The following HSF2 variants were observed in gnomAD, a reference collection of about 807,000 sequenced individuals.
HSF2 encodes heat shock factor protein 2.
In HSF2, 21 loss-of-function variants were observed where a neutral mutation model predicts 65.0. The ratio of observed to expected loss-of-function variants is 0.32; its 90% CI spans 0.23 to 0.47. HSF2 has a LOEUF of 0.47. HSF2 is among the 20% of genes least tolerant of loss of function. The pLI, the probability that HSF2 is intolerant of heterozygous loss-of-function variation, is 1.00. For synonymous variants in HSF2, 225 were observed against 219.1 expected, an observed-to-expected ratio of 1.03 and a Z score of -0.24; for missense variants, 499 against 628.1, an observed-to-expected ratio of 0.79 and a Z score of 2.20.
upstream of HSF2, chr6:122,399,646 G>A (rs1407286707): frequency 9.6e-6 from 10 of 1,041,586 alleles, no homozygotes; most frequent in East Asian, 5.1e-5. Context: ...CGCCTGCGTT[G>A]TGGGCGTTCT....
At chr6:122,399,644 T>G, upstream of HSF2, 1 of 1,013,762 alleles carries the variant, frequency 9.9e-7, no homozygotes, top group Non-Finnish European at 1.5e-6. Context: ...TGCGCCTGCG[T>G]TGTGGGCGTT....
At position 122,399,668 on chromosome 6, in the gene HSF2, T is replaced by TGCCGTAGGTGCC; in HGVS notation, c.-63_-62insGTGCCGCCGTAG. 3.2e-6 allele frequency: 4 copies of TGCCGTAGGTGCC among 1,238,818 alleles called. No individual in the cohort carries two copies. The highest frequency in any genetic ancestry group is 4.7e-6 in the Non-Finnish European group (4 of 854,962). The allele number at this position is 1,238,818 out of a possible 1,614,324, so 76.7% of individuals were successfully genotyped here. ...GTTGTGGGCGTTCTCGGGGAGCTGC[T>TGCCGTAGGTGCC]GCCGTAGCTGCCGCCGCCGCTACCA... is the stretch of plus-strand genomic sequence containing the variant. On this transcript the variant is annotated 5_prime_UTR_variant, in exon 1 of 13. Coordinates refer to ENST00000368455, the MANE Select transcript of HSF2 (RefSeq NM_004506.4).
At chr6:122,412,993 A>G (rs1018651670) in intron 3 of HSF2, among the ~76,000 whole-genome samples, 5 of 151,912 alleles carry the variant, frequency 3.3e-5, no homozygotes, top group African/African-American at 9.7e-5. Flanking sequence ...GACTTTTTCT[A>G]TAGTTTGTAA....
In HSF2 at chr6:122,428,418, A is replaced by G. The variant is rs567018703; in HGVS notation, c.1230+462A>G. On this transcript the variant is annotated intron_variant, in intron 11 of 12. Coordinates refer to ENST00000368455, the MANE Select transcript of HSF2 (RefSeq NM_004506.4). ...AAAAGGGAAGTTGAAACGTATGAAT[A>G]TTTGACTTTTTTTAAGTAATAAGGA... Among the ~76,000 whole-genome samples the G allele has an allele frequency of 2.0e-5, 3 of 152,048 alleles. No homozygotes were observed. The East Asian group carries it at 5.8e-4, about 29-fold the overall frequency.
rs973653851 is a variant in HSF2 at position 122,412,650 on chromosome 6, A to G, written c.216A>G (p.Lys72=). 13 of 1,612,240 alleles carry G rather than the reference A, an allele frequency of 8.1e-6. No individual in the cohort carries two copies. Among genetic ancestry groups the G allele is most frequent in the Non-Finnish European group, 1.1e-5 (13 of 1,178,600 alleles). The change falls in exon 3 of 13, where the codon AAA becomes AAG. Residue 72 remains lysine (K), a synonymous_variant. Transcript: ENST00000368455. ...VRQLNMYGFR[K]VVHIDSGIVK... ...AATATTTTTCAGATGGTTTCCGTAA[A>G]GTAGTACATATCGACTCTGGAATTG... is the stretch of plus-strand genomic sequence containing the variant.
chr6:122,414,356 C>T (rs935019068), intron 4 of HSF2, among the ~76,000 whole-genome samples: 3 of 152,172 alleles, frequency 2.0e-5, no homozygotes, highest in Admixed American at 6.5e-5. Flanking sequence ...TTTACATATT[C>T]TCTCTTCCAT....
At position 122,432,006 on chromosome 6, in the gene HSF2, G is replaced by A. The variant is rs1562207666; in HGVS notation, c.1397G>A (p.Ser466Asn). 2 of 1,613,994 alleles carry A rather than the reference G, an allele frequency of 1.2e-6. No individual in the cohort carries two copies. The highest frequency in any genetic ancestry group is 1.7e-6 in the Non-Finnish European group (2 of 1,179,920). Residue 466 changes from serine (S) to asparagine (N), a missense_variant, in exon 13 of 13, where the codon AGT becomes AAT. By Grantham distance (46) the Ser-to-Asn change is conservative. Around this residue, in one of 2 missense-constraint regions of HSF2, gnomAD observed 349 missense variants for 393.5 expected, o/e 0.89. Transcript: ENST00000368455. ...GNPASSVEQA[S>N]TTASSEVLSS... The stretch of plus-strand genomic sequence containing the variant: ...CCTGCTTCTTCTGTTGAACAGGCGA[G>A]TACAACAGCATCATCAGAAGTTTTG...
intron 1 of HSF2, among the ~76,000 whole-genome samples, chr6:122,411,207 T>C (rs1773985397): frequency 6.6e-6 from 1 of 151,902 alleles, no homozygotes; most frequent in Non-Finnish European, 1.5e-5. Flanking sequence ...TAATGATTTG[T>C]GTTACTGACC....
At chr6:122,400,749 TTAGAATACACTC>T (rs1773709930) in intron 1 of HSF2, among the ~76,000 whole-genome samples, 1 of 152,224 alleles carries the variant, frequency 6.6e-6, no homozygotes, top group Admixed American at 6.5e-5. Flanking sequence ...TGCATGTGCA[TTAGAATACACTC>T]CTAGGCTGTT....
At chr6:122,421,093 T>C (rs1774225497) in intron 7 of HSF2, among the ~76,000 whole-genome samples, 1 of 152,076 alleles carries the variant, frequency 6.6e-6, no homozygotes, top group South Asian at 2.1e-4. Context: ...ATTCTTACAT[T>C]GGTTATTCTA....
intron 7 of HSF2, among the ~76,000 whole-genome samples, chr6:122,421,883 G>A (rs901918366): frequency 6.6e-6 from 1 of 151,944 alleles, no homozygotes; most frequent in African/African-American, 2.4e-5. Flanking sequence ...TCTTTCCATA[G>A]AAACATTTTT....
At chr6:122,425,640 C>T (rs1774323299) in intron 10 of HSF2, among the ~76,000 whole-genome samples, 1 of 151,940 alleles carries the variant, frequency 6.6e-6, no homozygotes, top group South Asian at 2.1e-4. Context: ...TGTTCTCTCC[C>T]TGTCTCCCTA....
chr6:122,420,480 C>T (rs1052262045), intron 7 of HSF2, among the ~76,000 whole-genome samples: 5 of 151,966 alleles, frequency 3.3e-5, no homozygotes, highest in East Asian at 1.9e-4. Flanking sequence ...TACTCTTCCT[C>T]GCTTACCCTA....
chr6:122,420,116 A>G lies in HSF2; in HGVS notation c.594-19A>G. The G allele has an allele frequency of 1.9e-6, 3 of 1,597,234 alleles. No homozygotes were observed. The highest frequency in any genetic ancestry group is 2.6e-6 in the Non-Finnish European group (3 of 1,174,208). ...TTGTATGTTTGCTTCACTGAACTGC[A>G]TATTCTTCTGGTTTTCAGGCCTCTA... On this transcript the variant is annotated intron_variant, in intron 6 of 12. Coordinates refer to ENST00000368455, the MANE Select transcript of HSF2 (RefSeq NM_004506.4).
intron 12 of HSF2, 74 bp from the exon 13 acceptor site, chr6:122,431,851 G>T (rs945955059): frequency 7.4e-6 from 10 of 1,347,636 alleles, no homozygotes; most frequent in African/African-American, 1.5e-5. Context: ...GTACATCTCT[G>T]TTTTCATTTT....
intron 5 of HSF2, among the ~76,000 whole-genome samples, chr6:122,417,517 G>A (rs1435187159): frequency 6.6e-6 from 1 of 152,068 alleles, no homozygotes; most frequent in Non-Finnish European, 1.5e-5. Flanking sequence ...TTGGTGAGTG[G>A]TGTTTATATA....
intron 5 of HSF2, among the ~76,000 whole-genome samples, chr6:122,416,514 G>T (rs9375134): frequency 0.11 from 17,130 of 152,216 alleles, 1,222 homozygotes; most frequent in East Asian, 0.21. Flanking sequence ...CATACTCGCA[G>T]ATAATGTCTC....
At chr6:122,408,498 G>T (rs754249852) in intron 1 of HSF2, among the ~76,000 whole-genome samples, 5 of 151,910 alleles carry the variant, frequency 3.3e-5, no homozygotes, top group Non-Finnish European at 7.4e-5. Flanking sequence ...GTGGATCTTT[G>T]TTCATTTTCT....
At chr6:122,402,502 A>G (rs954236414) in intron 1 of HSF2, among the ~76,000 whole-genome samples, 1 of 152,130 alleles carries the variant, frequency 6.6e-6, no homozygotes, top group Non-Finnish European at 1.5e-5. Context: ...ATGATATAAT[A>G]GTCCTCAACA....
Sources: gnomAD v4.1 joint callset for allele counts (sites outside exome capture counted in the v4.1 genomes callset) on GRCh38, gnomAD v4.1.1 for gene constraint, gnomAD v4.1.1 regional missense constraint, MANE v1.5 for transcripts, NCBI Gene and HGNC (gene_info 2026-07-23, HGNC 2026-07-21) for gene names.